Variants in RP1 observed in about 807,000 individuals in gnomAD.
RP1 encodes RP1 axonemal microtubule associated.
In RP1, 16 loss-of-function variants were observed where a neutral mutation model predicts 14.8. The observed-to-expected ratio is 1.08, with a 90% CI of 0.73 to 1.65. The LOEUF (loss-of-function observed/expected upper bound fraction) is 1.65, where lower values mean the gene tolerates loss of function less well. Among genes scored for constraint, RP1 ranks in the 40% most tolerant of loss-of-function variants. RP1 has a pLI of 0.00. For missense variants in RP1, 2,631 were observed against 2,535.0 expected (o/e 1.04, Z -0.81); for synonymous variants, 876 against 883.6 (o/e 0.99, Z 0.15).
At position 54,689,703 on chromosome 8, in the gene RP1, T is replaced by C. The variant is rs546230627; in HGVS notation, c.1718-9764T>C. On this transcript the variant is annotated intron_variant, in intron 12 of 22. Coordinates refer to the RP1 transcript ENST00000636932. ...CAAATAAAGGCACACTTATTTAAATTTGGAAAGTAAGGCTAAGGTTTTTTT... is the reference window on the plus strand; with the variant it reads ...CAAATAAAGGCACACTTATTTAAATCTGGAAAGTAAGGCTAAGGTTTTTTT... 2.0e-5 allele frequency among the ~76,000 whole-genome samples: 3 copies of C among 152,148 alleles called. No homozygotes were observed. The South Asian group carries it at 6.2e-4, about 32-fold the overall frequency.
At position 54,696,645 on chromosome 8, in the gene RP1, A is replaced by T. The variant is rs1406425554; in HGVS notation, c.1718-2822A>T. The T allele has an allele frequency of 1.7e-5, 14 of 828,150 alleles. No homozygotes were observed. In the South Asian group the frequency reaches 2.2e-4, roughly 13 times the overall value. The allele number at this position is 828,150 out of a possible 1,614,324, so 51.3% of individuals were successfully genotyped here. A position where few individuals can be genotyped will look rare whatever the true frequency, so the allele number is the denominator to read the frequency against. ...AAACCTCATGCCTTAGAATTGCCAG[A>T]TAAACATTCCTTGGCCTTTGTTGTA... On this transcript the variant is annotated intron_variant, in intron 12 of 22. Transcript: ENST00000636932.
intron 24 of RP1, among the ~76,000 whole-genome samples, chr8:54,795,218 C>T (rs1485713231): frequency 5.3e-5 from 8 of 151,980 alleles, no homozygotes; most frequent in Admixed American, 3.3e-4. Flanking sequence ...ACCATATGAT[C>T]TGCTTCTGTG....
At chr8:54,747,821 C>T (rs905825923) in intron 19 of RP1, among the ~76,000 whole-genome samples, 23 of 152,160 alleles carry the variant, frequency 1.5e-4, no homozygotes, top group African/African-American at 5.1e-4. Context: ...GAGGGAGACC[C>T]TGTTTCATAT....
At chr8:54,851,749 A>G (rs1812065727) in intron 25 of RP1, among the ~76,000 whole-genome samples, 1 of 152,192 alleles carries the variant, frequency 6.6e-6, no homozygotes, top group Non-Finnish European at 1.5e-5. Flanking sequence ...GTCTTTATAA[A>G]GGTCAGGCAT....
chr8:54,775,326 A>T (rs1299151648), intron 23 of RP1, among the ~76,000 whole-genome samples: 1 of 152,204 alleles, frequency 6.6e-6, no homozygotes, highest in African/African-American at 2.4e-5. Flanking sequence ...AACTGCCTTG[A>T]CTAACTGTGT....
intron 24 of RP1, among the ~76,000 whole-genome samples, chr8:54,796,894 A>G (rs534099960): frequency 6.6e-6 from 1 of 152,324 alleles, no homozygotes; most frequent in South Asian, 2.1e-4. Flanking sequence ...AAATTTGCCA[A>G]CAAAGAGGAT....
rs1435533984 is a variant in RP1, at chr8:54,629,279, A to T, written c.5397A>T (p.Glu1799Asp). Residue 1799 changes from glutamate (E) to aspartate (D), a missense_variant, in exon 4 of 4, where the codon GAA (glutamate) becomes GAT (aspartate). Glu to Asp is a conservative substitution (Grantham distance 45). Coordinates refer to ENST00000220676, the MANE Select transcript of RP1 (RefSeq NM_006269.2). The part of the protein sequence containing the change: ...GNLAPGPTMD[E>D]LSSSELEELT... Reference sequence around the variant, plus strand: ...TGGCCCCAGGCCCAACGATGGATGAACTCTCCTCTTCAGAACTCGAGGAAC... The same window carrying T: ...TGGCCCCAGGCCCAACGATGGATGATCTCTCCTCTTCAGAACTCGAGGAAC... The T allele has an allele frequency of 6.2e-7, 1 of 1,613,554 alleles. No homozygotes were observed. Among genetic ancestry groups the T allele is most frequent in the Non-Finnish European group, 8.5e-7 (1 of 1,179,774 alleles).
At chr8:54,613,665 T>C (rs1404134013), upstream of RP1, among the ~76,000 whole-genome samples, 1 of 151,994 alleles carries the variant, frequency 6.6e-6, no homozygotes, top group Non-Finnish European at 1.5e-5. Context: ...AAGGCAGGGG[T>C]TCAAGAAAGG....
intron 28 of RP1, among the ~76,000 whole-genome samples, chr8:54,867,005 TA>T (rs1483054062): frequency 2.0e-5 from 3 of 152,006 alleles, no homozygotes; most frequent in African/African-American, 7.3e-5. Context: ...GATTTAGAGA[TA>T]AAAAAGTAGA....
At chr8:54,845,028 A>C (rs1811881189) in intron 25 of RP1, among the ~76,000 whole-genome samples, 1 of 152,170 alleles carries the variant, frequency 6.6e-6, no homozygotes, top group Admixed American at 6.5e-5. Context: ...GGCACTCCTT[A>C]GGGACGGTCA....
At chr8:54,822,524 T>A (rs750926512) in intron 24 of RP1, among the ~76,000 whole-genome samples, 1 of 152,244 alleles carries the variant, frequency 6.6e-6, no homozygotes, top group South Asian at 2.1e-4. Context: ...TAAATACAAA[T>A]GTATTAAAAT....
chr8:54,566,865 A>T (rs1346363774), intron 1 of RP1, among the ~76,000 whole-genome samples: 2 of 152,222 alleles, frequency 1.3e-5, no homozygotes. Context: ...ACTACTTTAA[A>T]GTGTGCTAAG....
chr8:54,775,809 C>T (rs530738214), intron 23 of RP1, among the ~76,000 whole-genome samples: 1 of 152,296 alleles, frequency 6.6e-6, no homozygotes, highest in South Asian at 2.1e-4. Context: ...TAGGTCAAGA[C>T]TTGGATTCTA....
Position 54,629,144 on chromosome 8 carries a change from A to G in RP1, c.5262A>G (p.Leu1754=). ...GGCTTCTGAAAGAAAATCATTTGCT[A>G]AGGATGTCATCTGAAAATCCTGGCA... ...GKWLLKENHL[L]RMSSENPGMC... The change falls in exon 4 of 4, where the codon CTA becomes CTG. Residue 1754 remains leucine (L), a synonymous_variant. Transcript: ENST00000220676. 2 of 1,614,144 alleles carry G rather than the reference A, an allele frequency of 1.2e-6. No individual in the cohort carries two copies. Among genetic ancestry groups the G allele is most frequent in the Non-Finnish European group, 1.7e-6 (2 of 1,179,966 alleles).
At chr8:54,721,274 CT>C (rs1482411391) in intron 16 of RP1, among the ~76,000 whole-genome samples, 1 of 152,224 alleles carries the variant, frequency 6.6e-6, no homozygotes, top group East Asian at 1.9e-4. Flanking sequence ...TCCCTCCACC[CT>C]TCATTTTCCT....
chr8:54,801,083 A>G (rs893950449), intron 24 of RP1, among the ~76,000 whole-genome samples: 12 of 152,204 alleles, frequency 7.9e-5, no homozygotes, highest in African/African-American at 2.7e-4. Flanking sequence ...TGTTGTTGCT[A>G]TGGTTACCTT....
intron 24 of RP1, among the ~76,000 whole-genome samples, chr8:54,830,560 C>T (rs931370682): frequency 6.6e-6 from 1 of 152,066 alleles, no homozygotes; most frequent in Non-Finnish European, 1.5e-5. Context: ...TCCATCCTTT[C>T]CTTTTTTAGC....
At chr8:54,718,060 TG>T (rs1323901538) in intron 15 of RP1, among the ~76,000 whole-genome samples, 2 of 152,132 alleles carry the variant, frequency 1.3e-5, no homozygotes, top group African/African-American at 2.4e-5. Flanking sequence ...AAAATACTGA[TG>T]AAAAAAATCA....
intron 27 of RP1, among the ~76,000 whole-genome samples, chr8:54,857,665 T>A (rs16920851): frequency 0.056 from 8,475 of 152,210 alleles, 768 homozygotes; most frequent in African/African-American, 0.19. Context: ...TGCGTGTGTG[T>A]GATCTCCAGA....
Sources: allele counts gnomAD v4.1 joint callset (sites outside exome capture counted in the v4.1 genomes callset), GRCh38; gene constraint gnomAD v4.1.1; transcripts MANE v1.5; gene names NCBI Gene and HGNC (gene_info 2026-07-23, HGNC 2026-07-21).